The following AFG1L variants were observed in gnomAD, a reference collection of about 807,000 sequenced individuals.
AFG1L encodes AFG1-like ATPase.
A neutral mutation model predicts 62.2 loss-of-function variants in AFG1L; 53 were observed. The observed-to-expected ratio is 0.85, with a 90% confidence interval of 0.68 to 1.07. The LOEUF is 1.07. AFG1L is among the 50% of genes least tolerant of loss of function. AFG1L has a pLI of 0.00. For synonymous variants in AFG1L, 228 were observed against 210.3 expected (o/e 1.08, Z -0.73); for missense variants, 555 against 590.5 (o/e 0.94, Z 0.62).
At chr6:108,407,575 C>G (rs1297197649) in intron 7 of AFG1L, among the ~76,000 whole-genome samples, 1 of 151,874 alleles carries the variant, frequency 6.6e-6, no homozygotes, top group Non-Finnish European at 1.5e-5. Context: ...CTCCAAGCTA[C>G]TTGGGAAGCT....
intron 10 of AFG1L, among the ~76,000 whole-genome samples, chr6:108,500,048 A>G (rs1377545282): frequency 6.6e-6 from 1 of 151,928 alleles, no homozygotes; most frequent in Non-Finnish European, 1.5e-5. Context: ...GAGAACATGC[A>G]GTATTTGGTT....
At chr6:108,308,466 T>G (rs1204227394) in intron 1 of AFG1L, among the ~76,000 whole-genome samples, 1 of 152,212 alleles carries the variant, frequency 6.6e-6, no homozygotes, top group Admixed American at 6.5e-5. Flanking sequence ...TTTTCATTGC[T>G]AATGGAGTCT....
intron 8 of AFG1L, among the ~76,000 whole-genome samples, chr6:108,471,373 C>G (rs1772885390): frequency 6.6e-6 from 1 of 151,876 alleles, no homozygotes. Flanking sequence ...TTTATCAATA[C>G]TCTTGGATCT....
intron 7 of AFG1L, among the ~76,000 whole-genome samples, chr6:108,429,417 T>C (rs1481174428): frequency 2.6e-5 from 4 of 152,144 alleles, no homozygotes; most frequent in East Asian, 1.9e-4. Flanking sequence ...TGGAGACTTA[T>C]TCACTACCAC....
intron 1 of AFG1L, among the ~76,000 whole-genome samples, chr6:108,320,971 G>C (rs933717497): frequency 6.6e-6 from 1 of 152,186 alleles, no homozygotes; most frequent in African/African-American, 2.4e-5. Flanking sequence ...GTCTAAAAGA[G>C]GGGGTGGAGA....
chr6:108,440,754 G>A (rs1771509982), intron 7 of AFG1L, among the ~76,000 whole-genome samples: 1 of 150,886 alleles, frequency 6.6e-6, no homozygotes, highest in Non-Finnish European at 1.5e-5. Flanking sequence ...GCAGGAAGCA[G>A]AGGTTGCAGT....
At chr6:108,484,679 C>T (rs777360177) in intron 10 of AFG1L, among the ~76,000 whole-genome samples, 8 of 152,090 alleles carry the variant, frequency 5.3e-5, no homozygotes, top group Non-Finnish European at 8.8e-5. Context: ...GCCTATTTCA[C>T]GAGTCCTCAG....
At position 108,399,857 on chromosome 6, in the gene AFG1L, C is replaced by T. The variant is rs538825690; in HGVS notation, c.749-2139C>T. Among the ~76,000 whole-genome samples, 3 of 146,626 alleles carry T rather than the reference C, an allele frequency of 2.0e-5. 1 individual carries two copies. Among genetic ancestry groups the T allele is most frequent in the African/African-American group, 7.6e-5 (3 of 39,484 alleles). Reference sequence around the variant, plus strand: ...GCAGTGGCAAGATCTTGGCCCACTGCAGCCTCTGCCTCCCAGGCTCAAGTG... The same window carrying T: ...GCAGTGGCAAGATCTTGGCCCACTGTAGCCTCTGCCTCCCAGGCTCAAGTG... On this transcript the variant is annotated intron_variant, in intron 6 of 12. Transcript: ENST00000368977.
At chr6:108,462,047 A>T (rs1338907635) in intron 8 of AFG1L, among the ~76,000 whole-genome samples, 1 of 151,968 alleles carries the variant, frequency 6.6e-6, no homozygotes, top group Non-Finnish European at 1.5e-5. Context: ...GTGAGCCGAG[A>T]TTGTACCACT....
At chr6:108,388,179 G>A (rs914527500) in intron 6 of AFG1L, 5 of 152,088 alleles carry the variant, frequency 3.3e-5, no homozygotes, top group South Asian at 4.1e-4. Flanking sequence ...TGGGTTTTGG[G>A]TCTTTTTCAC....
At chr6:108,484,965 A>C (rs945581820) in intron 10 of AFG1L, among the ~76,000 whole-genome samples, 2 of 152,236 alleles carry the variant, frequency 1.3e-5, no homozygotes, top group Non-Finnish European at 2.9e-5. Flanking sequence ...GGAAAAAGAA[A>C]TATCTGAAAA....
intron 7 of AFG1L, among the ~76,000 whole-genome samples, chr6:108,443,991 A>G (rs1771656991): frequency 6.6e-6 from 1 of 152,152 alleles, no homozygotes; most frequent in African/African-American, 2.4e-5. Flanking sequence ...ATGTCAGCCT[A>G]TAGTTGTTTC....
intron 1 of AFG1L, among the ~76,000 whole-genome samples, chr6:108,301,534 C>T (rs942281624): frequency 7.9e-5 from 12 of 152,274 alleles, no homozygotes; most frequent in South Asian, 2.1e-4. Context: ...AGTCAGAAAG[C>T]GTTGGTATGG....
intron 1 of AFG1L, among the ~76,000 whole-genome samples, chr6:108,317,334 G>C (rs1013589899): frequency 6.6e-6 from 1 of 152,080 alleles, no homozygotes; most frequent in Non-Finnish European, 1.5e-5. Flanking sequence ...ACAATTTCAC[G>C]GGCAGGGGGC....
intron 1 of AFG1L, among the ~76,000 whole-genome samples, chr6:108,308,694 T>C (rs192609380): frequency 2.3e-4 from 35 of 151,834 alleles, no homozygotes; most frequent in Admixed American, 7.2e-4. Context: ...ATTTTATTTA[T>C]TTTATTATTT....
chr6:108,454,326 C>T (rs1367206910), intron 8 of AFG1L, among the ~76,000 whole-genome samples: 1 of 152,180 alleles, frequency 6.6e-6, no homozygotes, highest in Non-Finnish European at 1.5e-5. Flanking sequence ...GAGACACTTG[C>T]ACAAAACAGA....
At chr6:108,371,165 C>G (rs1418322918) in intron 6 of AFG1L, among the ~76,000 whole-genome samples, 3 of 152,130 alleles carry the variant, frequency 2.0e-5, no homozygotes, top group East Asian at 3.8e-4. Context: ...CTTGTGATTA[C>G]TACTTTATTT....
chr6:108,473,904 C>T (rs1368734381), intron 8 of AFG1L, among the ~76,000 whole-genome samples: 1 of 152,112 alleles, frequency 6.6e-6, no homozygotes, highest in African/African-American at 2.4e-5. Context: ...TTTGGGGATA[C>T]ATGTGTAGGA....
chr6:108,513,932 A>C (rs1016323818), intron 11 of AFG1L, among the ~76,000 whole-genome samples: 14 of 152,228 alleles, frequency 9.2e-5, no homozygotes, highest in Non-Finnish European at 2.1e-4. Context: ...AGGAACGATC[A>C]GGCAGCAAAA....
Sources: allele counts gnomAD v4.1 joint callset (sites outside exome capture counted in the v4.1 genomes callset), GRCh38; gene constraint gnomAD v4.1.1; transcripts MANE v1.5; gene names NCBI Gene and HGNC (gene_info 2026-07-23, HGNC 2026-07-21).